HS3ST1: variants seen among roughly 807,000 people sequenced by gnomAD.
HS3ST1 encodes the protein heparan sulfate-glucosamine 3-sulfotransferase 1.
A neutral mutation model predicts 20.7 loss-of-function variants in HS3ST1; 8 were observed. That is an observed-to-expected ratio of 0.39 (90% CI 0.23 to 0.70). The LOEUF (loss-of-function observed/expected upper bound fraction) is 0.70. HS3ST1 is among the 30% of genes least tolerant of loss of function. The pLI, the probability that HS3ST1 is intolerant of heterozygous loss-of-function variation, is 0.46. For missense variants in HS3ST1, 436 were observed against 423.4 expected, an observed-to-expected ratio of 1.03 and a Z score of -0.26; for synonymous variants, 205 against 190.4, an observed-to-expected ratio of 1.08 and a Z score of -0.63.
intron 1 of HS3ST1, among the ~76,000 whole-genome samples, chr4:11,401,356 T>C (rs1718318763): frequency 6.6e-6 from 1 of 151,534 alleles, no homozygotes; most frequent in Admixed American, 6.6e-5. Flanking sequence ...CCATTTTTTT[T>C]TTTTTTTTAT....
upstream of HS3ST1, among the ~76,000 whole-genome samples, chr4:11,432,671 A>G (rs1719227692): frequency 6.6e-6 from 1 of 152,234 alleles, no homozygotes; most frequent in Non-Finnish European, 1.5e-5. Flanking sequence ...CAAAGAGAGC[A>G]TGATTGCACT....
intron 1 of HS3ST1, among the ~76,000 whole-genome samples, chr4:11,408,237 T>G (rs148288207): frequency 6.6e-6 from 1 of 152,232 alleles, no homozygotes; most frequent in Non-Finnish European, 1.5e-5. Flanking sequence ...GCCCTACATA[T>G]TTACTGTGAG....
At chr4:11,426,103 C>T (rs145947846) in intron 1 of HS3ST1, among the ~76,000 whole-genome samples, 1 of 152,312 alleles carries the variant, frequency 6.6e-6, no homozygotes, top group African/African-American at 2.4e-5. Context: ...AGCACTGACC[C>T]AGCCTACAGG....
At chr4:11,432,155 C>A (rs1719218432), upstream of HS3ST1, among the ~76,000 whole-genome samples, 1 of 151,984 alleles carries the variant, frequency 6.6e-6, no homozygotes, top group African/African-American at 2.4e-5. Flanking sequence ...GACGGGAGGT[C>A]AGGAAAAGGG....
intron 1 of HS3ST1, among the ~76,000 whole-genome samples, chr4:11,424,999 C>T (rs937388529): frequency 6.6e-6 from 1 of 151,988 alleles, no homozygotes; most frequent in African/African-American, 2.4e-5. Context: ...GGAATAAGAA[C>T]AGACAGGCCT....
rs764049459 is a variant in HS3ST1, at chr4:11,399,722, T to A, written c.284A>T (p.His95Leu). Residue 95 changes from histidine to leucine, a missense_variant, in exon 2 of 2, where the codon CAT becomes CTT. Coordinates refer to ENST00000002596, the MANE Select transcript of HS3ST1 (RefSeq NM_005114.4). This position sits in a 1 kb window ranked among gnomAD's most constrained non-coding sequence, Gnocchi z 5.1. ...NEVHFFDWEE[H>L]YSHGLGWYLS... is the part of the protein sequence containing the mutation. ...GTACCAGCCCAAGCCGTGGCTGTAA[T>A]GCTCCTCCCAGTCGAAGAAGTGGAC... 1 of 1,613,880 alleles carries A rather than the reference T, an allele frequency of 6.2e-7. No individual in the cohort carries two copies. Among genetic ancestry groups the A allele is most frequent in the East Asian group, 2.2e-5 (1 of 44,878 alleles).
intron 1 of HS3ST1, among the ~76,000 whole-genome samples, chr4:11,413,604 A>C (rs2108886166): frequency 6.6e-6 from 1 of 152,266 alleles, no homozygotes. Flanking sequence ...GTTGACACCC[A>C]CCCTGTCTCT....
intron 1 of HS3ST1, among the ~76,000 whole-genome samples, chr4:11,410,513 CA>C (rs1339853661): frequency 1.3e-5 from 2 of 152,200 alleles, no homozygotes; most frequent in African/African-American, 4.8e-5. Context: ...CTGTGGGGAG[CA>C]CAGGCCATGG....
At chr4:11,433,467 T>C (rs905223470), upstream of HS3ST1, among the ~76,000 whole-genome samples, 1 of 152,198 alleles carries the variant, frequency 6.6e-6, no homozygotes, top group Non-Finnish European at 1.5e-5. Flanking sequence ...GTTAGAAAAA[T>C]TGCAGTATTG....
At chr4:11,412,745 TG>T (rs1346840797) in intron 1 of HS3ST1, among the ~76,000 whole-genome samples, 1 of 152,134 alleles carries the variant, frequency 6.6e-6, no homozygotes, top group Non-Finnish European at 1.5e-5. Flanking sequence ...TCAGTTAGAC[TG>T]AGAAATAATC....
chr4:11,408,295 G>C (rs761210224), intron 1 of HS3ST1, among the ~76,000 whole-genome samples: 6 of 152,154 alleles, frequency 3.9e-5, no homozygotes, highest in Non-Finnish European at 5.9e-5. Context: ...TTGCCATACT[G>C]ACTGGCCTGT....
intron 1 of HS3ST1, among the ~76,000 whole-genome samples, chr4:11,425,470 CTG>C (rs1719036838): frequency 1.3e-5 from 2 of 152,166 alleles, no homozygotes; most frequent in Admixed American, 1.3e-4. Context: ...TAAAAATTGA[CTG>C]TGATCCTGAA....
intron 1 of HS3ST1, among the ~76,000 whole-genome samples, chr4:11,414,319 A>G (rs224466): frequency 0.9 from 136,093 of 151,592 alleles, 61,526 homozygotes; most frequent in East Asian, 1. Context: ...GTGTGTGTGT[A>G]TATATACATA....
At chr4:11,429,425 C>T (rs533066062), upstream of HS3ST1, 32 of 152,554 alleles carry the variant, frequency 2.1e-4, no homozygotes, top group African/African-American at 7.0e-4. Flanking sequence ...GGTGACCCAC[C>T]TTAGGCGCTG....
intron 1 of HS3ST1, among the ~76,000 whole-genome samples, chr4:11,407,540 A>G (rs1718499906): frequency 1.3e-5 from 2 of 152,220 alleles, no homozygotes; most frequent in Admixed American, 6.5e-5. Context: ...TGAGCCTCTA[A>G]GTGCTCCTTG....
In HS3ST1 at chr4:11,399,364, A is replaced by C; in HGVS notation, c.642T>G (p.Ile214Met). The change falls in exon 2 of 2, where the codon ATT (isoleucine) becomes ATG (methionine). Residue 214 changes from isoleucine (I) to methionine (M), a missense_variant. Ile to Met is a conservative substitution (Grantham distance 10, BLOSUM62 1). Coordinates refer to ENST00000002596, the MANE Select transcript of HS3ST1 (RefSeq NM_005114.4). The surrounding 1 kb of genome is among the most constrained non-coding windows in gnomAD (Gnocchi z 5.1). ...LRFFPLRHIH[I>M]VDGDRLIRDP... ...CCCTGATGAGGCGGTCGCCGTCCACAATGTGGATGTGGCGCAGCGGGAAAA... is the reference window on the plus strand; with the variant it reads ...CCCTGATGAGGCGGTCGCCGTCCACCATGTGGATGTGGCGCAGCGGGAAAA... The C allele has an allele frequency of 1.2e-6, 2 of 1,614,016 alleles. No homozygotes were observed. The highest frequency in any genetic ancestry group is 1.7e-6 in the Non-Finnish European group (2 of 1,180,012).
rs1718158947 is a variant in HS3ST1 at position 11,396,826 on chromosome 4, C to G, written c.*2256G>C. The stretch of plus-strand genomic sequence containing the variant: ...ACATATTGAATTTACATTCACTGAT[C>G]ATTTTACACTGGACCACCGCCTCCA... On this transcript the variant is annotated 3_prime_UTR_variant, in exon 2 of 2. Transcript: ENST00000002596. 1 of 152,206 alleles carries G rather than the reference C, an allele frequency of 6.6e-6. No individual in the cohort carries two copies. Among genetic ancestry groups the G allele is most frequent in the African/African-American group, 2.4e-5 (1 of 41,416 alleles). The allele number at this position is 152,206 out of a possible 1,614,324, so 9.4% of individuals were successfully genotyped here. A position where few individuals can be genotyped will look rare whatever the true frequency, so the allele number is the denominator to read the frequency against.
intron 1 of HS3ST1, among the ~76,000 whole-genome samples, chr4:11,412,079 TC>T (rs1376515282): frequency 2.0e-5 from 3 of 152,208 alleles, no homozygotes; most frequent in Non-Finnish European, 4.4e-5. Context: ...CCGTCAGACT[TC>T]CATATCCCAA....
intron 1 of HS3ST1, among the ~76,000 whole-genome samples, chr4:11,415,258 A>G (rs550766139): frequency 8.5e-5 from 13 of 152,204 alleles, no homozygotes; most frequent in Admixed American, 2.0e-4. Flanking sequence ...TCATGTTTAA[A>G]TTATCTTGGG....
Sources: allele counts gnomAD v4.1 joint callset (sites outside exome capture counted in the v4.1 genomes callset), GRCh38; gene constraint gnomAD v4.1.1; non-coding constraint Gnocchi (gnomAD v3.1); transcripts MANE v1.5; gene names NCBI Gene and HGNC (gene_info 2026-07-23, HGNC 2026-07-21).